TAFA1: variants seen among roughly 807,000 people sequenced by gnomAD.
TAFA1 encodes the protein chemokine-like protein TAFA-1.
TAFA1 carries 4 observed loss-of-function variants against 18.5 expected under a neutral mutation model. That is an observed-to-expected ratio of 0.22 (90% CI 0.11 to 0.49). The LOEUF (loss-of-function observed/expected upper bound fraction) is 0.49. Among genes scored for constraint, TAFA1 ranks in the 20% least tolerant of loss-of-function variants. The pLI is 0.98. For missense variants in TAFA1, 147 were observed against 169.0 expected (o/e 0.87, Z 0.72); for synonymous variants, 56 against 55.2 (o/e 1.01, Z -0.06).
intron 2 of TAFA1, among the ~76,000 whole-genome samples, chr3:68,101,946 T>C (rs959877001): frequency 6.6e-6 from 1 of 152,142 alleles, no homozygotes. Flanking sequence ...ATAGAGAAAA[T>C]TGCATGAAGA....
At position 68,517,633 on chromosome 3, in the gene TAFA1, C is replaced by G. The variant is rs141179246; in HGVS notation, c.260-21123C>G. Among the ~76,000 whole-genome samples, 400 of 152,238 alleles carry G rather than the reference C, an allele frequency of 2.6e-3. 2 individuals carry two copies. Among genetic ancestry groups the G allele is most frequent in the African/African-American group, 9.0e-3 (372 of 41,532 alleles). ...ATTTGATGAGGACAGACCCCTTAATCCTGTCAAACGAACTAATTCATTTTC... is the reference window on the plus strand; with the variant it reads ...ATTTGATGAGGACAGACCCCTTAATGCTGTCAAACGAACTAATTCATTTTC... On this transcript the variant is annotated intron_variant, in intron 3 of 4. Coordinates refer to ENST00000478136, the MANE Select transcript of TAFA1 (RefSeq NM_213609.4).
intron 2 of TAFA1, among the ~76,000 whole-genome samples, chr3:68,039,449 AG>A (rs1705118640): frequency 6.6e-6 from 1 of 152,146 alleles, no homozygotes; most frequent in African/African-American, 2.4e-5. Flanking sequence ...GGTCGTTTCT[AG>A]GCTTTTATAT....
intron 2 of TAFA1, among the ~76,000 whole-genome samples, chr3:68,072,448 A>G (rs1487837197): frequency 2.0e-5 from 3 of 152,168 alleles, no homozygotes; most frequent in African/African-American, 7.2e-5. Flanking sequence ...TTTCCAGGGT[A>G]GAAATGTGGA....
At chr3:68,463,623 C>A (rs1350852004) in intron 3 of TAFA1, among the ~76,000 whole-genome samples, 1 of 152,064 alleles carries the variant, frequency 6.6e-6, no homozygotes, top group Non-Finnish European at 1.5e-5. Context: ...TCCTGTGTTC[C>A]AAATTTTCAT....
chr3:68,091,204 G>C (rs1163692264), intron 2 of TAFA1, among the ~76,000 whole-genome samples: 2 of 152,046 alleles, frequency 1.3e-5, no homozygotes, highest in Non-Finnish European at 2.9e-5. Flanking sequence ...CTTCTCTCTG[G>C]GGATAATGGA....
At position 68,544,756 on chromosome 3, in the gene TAFA1, G is replaced by A. The variant is rs967638945; in HGVS notation, c.*253G>A. The A allele has an allele frequency of 1.4e-5, 5 of 348,762 alleles. No homozygotes were observed. The highest frequency in any genetic ancestry group is 4.3e-5 in the African/African-American group (2 of 46,946). The allele number at this position is 348,762 out of a possible 1,614,324, so 21.6% of individuals were successfully genotyped here. ...GAAATTTTTGGGCATCATGAAGAAC[G>A]ATCAACTATCTTCTAATTTGAATCT... is the stretch of plus-strand genomic sequence containing the variant. On this transcript the variant is annotated 3_prime_UTR_variant, in exon 5 of 5. Transcript: ENST00000478136.
chr3:68,428,021 G>A (rs2071091734), intron 3 of TAFA1, among the ~76,000 whole-genome samples: 1 of 151,798 alleles, frequency 6.6e-6, no homozygotes, highest in Non-Finnish European at 1.5e-5. Context: ...CCCAGTCTTG[G>A]GTATTTCTTT....
chr3:68,477,326 G>C (rs2072118456), intron 3 of TAFA1, among the ~76,000 whole-genome samples: 1 of 152,088 alleles, frequency 6.6e-6, no homozygotes, highest in African/African-American at 2.4e-5. Flanking sequence ...TACTTTTGAT[G>C]GGCATTCAAG....
chr3:68,364,599 A>T (rs2069531192), intron 2 of TAFA1, among the ~76,000 whole-genome samples: 1 of 152,232 alleles, frequency 6.6e-6, no homozygotes, highest in South Asian at 2.1e-4. Flanking sequence ...TAAGTTTAAA[A>T]TGTATAAACA....
intron 2 of TAFA1, among the ~76,000 whole-genome samples, chr3:68,123,289 TAAGGGCTTGGCA>T (rs2065422697): frequency 1.3e-5 from 2 of 152,138 alleles, no homozygotes; most frequent in African/African-American, 2.4e-5. Flanking sequence ...GAATAGCATC[TAAGGGCTTGGCA>T]AAGGGTCCAC....
Position 68,485,802 on chromosome 3 carries a change from C to G in TAFA1, c.260-52954C>G, listed in dbSNP as rs6788966. Among the ~76,000 whole-genome samples, 205 of 152,190 alleles carry G rather than the reference C, an allele frequency of 1.3e-3. 3 individuals are homozygous for G. The highest frequency in any genetic ancestry group is 4.7e-3 in the African/African-American group (195 of 41,542). On this transcript the variant is annotated intron_variant, in intron 3 of 4. Transcript: ENST00000478136. The stretch of plus-strand genomic sequence containing the variant: ...TTTAAATACTAAAATGTACATTTTG[C>G]TATAGTAAAAAGCCAGTAAGCATTT...
intron 2 of TAFA1, among the ~76,000 whole-genome samples, chr3:68,020,030 G>A (rs2106794447): frequency 6.6e-6 from 1 of 152,310 alleles, no homozygotes; most frequent in African/African-American, 2.4e-5. Context: ...CCTCTTAGAA[G>A]AATCATCATC....
At chr3:68,170,611 C>T (rs191928773) in intron 2 of TAFA1, among the ~76,000 whole-genome samples, 163 of 152,156 alleles carry the variant, frequency 1.1e-3, no homozygotes, top group African/African-American at 3.5e-3. Context: ...AGAAATAAAC[C>T]GAAAATGCCC....
chr3:68,376,338 A>G (rs181068289), intron 2 of TAFA1, among the ~76,000 whole-genome samples: 135 of 150,764 alleles, frequency 9.0e-4, no homozygotes, highest in Admixed American at 2.4e-3. Context: ...TTTTTTACAG[A>G]TCATTTCATC....
chr3:67,996,843 C>T, the TAFA1 span, among the ~76,000 whole-genome samples: 2 of 151,774 alleles, frequency 1.3e-5, no homozygotes, highest in Non-Finnish European at 2.9e-5. Flanking sequence ...GTTTGAGGAG[C>T]TGAAAGGCAC....
intron 2 of TAFA1, among the ~76,000 whole-genome samples, chr3:68,056,765 A>T (rs989923067): frequency 6.6e-6 from 1 of 152,192 alleles, no homozygotes; most frequent in Non-Finnish European, 1.5e-5. Flanking sequence ...AGGCACTTTC[A>T]GCCTGCTGGC....
At chr3:68,013,687 G>A (rs1016271589) in intron 2 of TAFA1, among the ~76,000 whole-genome samples, 9 of 152,138 alleles carry the variant, frequency 5.9e-5, no homozygotes, top group African/African-American at 1.4e-4. Flanking sequence ...TGGGAATAAA[G>A]AGAAGATGAA....
intron 2 of TAFA1, among the ~76,000 whole-genome samples, chr3:68,235,195 G>A (rs1241234474): frequency 6.6e-6 from 1 of 152,138 alleles, no homozygotes. Flanking sequence ...CAGCGAATTA[G>A]GTAGAAATCT....
intron 2 of TAFA1, among the ~76,000 whole-genome samples, chr3:68,391,979 A>T (rs2070261913): frequency 6.6e-6 from 1 of 152,186 alleles, no homozygotes; most frequent in South Asian, 2.1e-4. Context: ...AGCTGGAATC[A>T]TAATGACAGG....
Sources: allele counts gnomAD v4.1 joint callset (sites outside exome capture counted in the v4.1 genomes callset), GRCh38; gene constraint gnomAD v4.1.1; transcripts MANE v1.5; gene names NCBI Gene and HGNC (gene_info 2026-07-23, HGNC 2026-07-21).